Variants in FZR1 observed in about 807,000 individuals in gnomAD.
FZR1 encodes fizzy-related protein homolog.
In FZR1, 11 loss-of-function variants were observed where a neutral mutation model predicts 63.6. The observed-to-expected ratio is 0.17, with a 90% CI of 0.11 to 0.29. FZR1 has a LOEUF of 0.29. Ranked by LOEUF, FZR1 falls within the 10% of genes least tolerant of loss-of-function variation. The probability of loss-of-function intolerance (pLI) is 1.00; values close to 1 mark genes in which losing one functional copy is unlikely to be tolerated. For synonymous variants in FZR1, 328 were observed against 297.9 expected (o/e 1.10, Z -1.04); for missense variants, 440 against 687.5 (o/e 0.64, Z 4.03).
chr19:3,512,332 C>T lies in FZR1; in HGVS notation c.-35+5858C>T, dbSNP rs993333960. 5.9e-5 allele frequency among the ~76,000 whole-genome samples: 9 copies of T among 152,168 alleles called. No individual in the cohort carries two copies. The South Asian group carries it at 8.3e-4, about 14-fold the overall frequency. On this transcript the variant is annotated intron_variant, in intron 1 of 13. Coordinates refer to ENST00000441788, the MANE Select transcript of FZR1 (RefSeq NM_016263.4). ...ACCAAGCATCTTCTCTGGGTCATGC[C>T]GGGTGCCTGCTGCCTCGTAGACCTC...
At chr19:3,524,364 T>C (rs920481964) in intron 2 of FZR1, among the ~76,000 whole-genome samples, 2 of 152,122 alleles carry the variant, frequency 1.3e-5, no homozygotes, top group Non-Finnish European at 2.9e-5. Context: ...GGAGCGGGCA[T>C]TGGCAGTTTT....
chr19:3,510,767 C>T (rs914242145), intron 1 of FZR1, among the ~76,000 whole-genome samples: 2 of 152,216 alleles, frequency 1.3e-5, no homozygotes, highest in Non-Finnish European at 2.9e-5. Flanking sequence ...TGGGTGACTC[C>T]GCCCCCACAG....
At chr19:3,522,142 C>G (rs1373955446) in intron 1 of FZR1, among the ~76,000 whole-genome samples, 1 of 152,218 alleles carries the variant, frequency 6.6e-6, no homozygotes, top group Non-Finnish European at 1.5e-5. Context: ...TGTACATGGC[C>G]TTGGGCTGTG....
At chr19:3,522,860 C>T (rs1023965936) in intron 1 of FZR1, 96 bp from the exon 2 acceptor site, 8 of 716,790 alleles carry the variant, frequency 1.1e-5, no homozygotes, top group Non-Finnish European at 2.1e-5. Flanking sequence ...ACCCCACAGT[C>T]ACTCTAGCTC....
chr19:3,528,466 A>G (rs1244402394), intron 7 of FZR1, among the ~76,000 whole-genome samples: 3 of 152,112 alleles, frequency 2.0e-5, no homozygotes, highest in African/African-American at 7.2e-5. Context: ...GGAGCCGTGT[A>G]GCTCTGGGCA....
intron 7 of FZR1, among the ~76,000 whole-genome samples, chr19:3,530,033 G>A (rs2083223737): frequency 7.6e-6 from 1 of 131,460 alleles, no homozygotes; most frequent in African/African-American, 3.0e-5. Flanking sequence ...TGGGAGAGTG[G>A]ATGGGTGAGC....
At chr19:3,527,929 C>T in intron 7 of FZR1, 115 bp downstream of exon 7, 1 of 747,274 alleles carries the variant, frequency 1.3e-6, no homozygotes, top group Non-Finnish European at 2.0e-6. Flanking sequence ...CTGCCATGGC[C>T]CTCCTAGCTG....
intron 1 of FZR1, among the ~76,000 whole-genome samples, chr19:3,519,231 A>C (rs902612799): frequency 6.6e-6 from 1 of 152,242 alleles, no homozygotes; most frequent in African/African-American, 2.4e-5. Flanking sequence ...TCACACCTGC[A>C]GAGTCCCTGC....
chr19:3,510,961 G>T (rs960153913), intron 1 of FZR1, among the ~76,000 whole-genome samples: 1 of 152,230 alleles, frequency 6.6e-6, no homozygotes, highest in African/African-American at 2.4e-5. Context: ...TGAACTCCCC[G>T]GACTGGGTTT....
At position 3,537,472 on chromosome 19, in the gene FZR1, G is replaced by T. The variant is rs1012650587; in HGVS notation, c.*2636G>T. 3.3e-5 allele frequency: 5 copies of T among 152,374 alleles called. No homozygotes were observed. Among genetic ancestry groups the T allele is most frequent in the Admixed American group, 2.6e-4 (4 of 15,288 alleles). 9.4% of individuals were successfully genotyped at this position (152,374 alleles called of 1,614,324 possible). On this transcript the variant is annotated 3_prime_UTR_variant, in exon 14 of 14. Transcript: ENST00000441788. ...GGAATGTAGCTGGTGCAGTGAGAGG[G>T]AAAGAGAATTGAAAAACTCAGGCTG... is the stretch of plus-strand genomic sequence containing the variant.
In FZR1 at chr19:3,535,348, G is replaced by A. The variant is rs1030796595; in HGVS notation, c.*512G>A. On this transcript the variant is annotated 3_prime_UTR_variant, in exon 14 of 14. Transcript: ENST00000441788. ...CCCAAGGCCAGACCAAGGCATGTAGGCCTGGGCAGGTGGCTCGGGGCCACT... is the reference window on the plus strand; with the variant it reads ...CCCAAGGCCAGACCAAGGCATGTAGACCTGGGCAGGTGGCTCGGGGCCACT... 3 of 156,338 alleles carry A rather than the reference G, an allele frequency of 1.9e-5. No homozygotes were observed. The highest frequency in any genetic ancestry group is 4.2e-5 in the Non-Finnish European group (3 of 70,766). 9.7% of individuals were successfully genotyped at this position (156,338 alleles called of 1,614,324 possible).
In FZR1 at chr19:3,515,115, G is replaced by GC. The variant is rs1253317488; in HGVS notation, c.-34-7840dup. Among the ~76,000 whole-genome samples the GC allele has an allele frequency of 6.6e-6, 1 of 152,184 alleles. No homozygotes were observed. Among genetic ancestry groups the GC allele is most frequent in the African/African-American group, 2.4e-5 (1 of 41,438 alleles). On this transcript the variant is annotated intron_variant, in intron 1 of 13. Transcript: ENST00000441788. This position sits in a 1 kb window ranked among gnomAD's most constrained non-coding sequence, Gnocchi z 4.6. Reference sequence around the variant, plus strand: ...TGTCGGCCACACAGGCAGAGCCACAGCAGCATCCCCACTAGGCACCCCCGG... The same window carrying GC: ...TGTCGGCCACACAGGCAGAGCCACAGCCAGCATCCCCACTAGGCACCCCCGG...
intron 13 of FZR1, 26 bp from the exon 14 acceptor site, chr19:3,534,769 C>G: frequency 6.2e-7 from 1 of 1,608,798 alleles, no homozygotes. Context: ...CGGCTCAGCG[C>G]ATCTGCCATC....
Position 3,525,786 on chromosome 19 carries a change from C to T in FZR1, c.70-82C>T. On this transcript the variant is annotated intron_variant, in intron 2 of 13. Coordinates refer to ENST00000441788, the MANE Select transcript of FZR1 (RefSeq NM_016263.4). The surrounding 1 kb of genome is among the most constrained non-coding windows in gnomAD (Gnocchi z 4.2). ...ATCAAAGCCCCCTTTGCTCAGTGGC[C>T]AGAGGCTGAGAGAGGCTGGCCTGGG... 1 of 1,525,330 alleles carries T rather than the reference C, an allele frequency of 6.6e-7. No homozygotes were observed. Among genetic ancestry groups the T allele is most frequent in the Admixed American group, 1.8e-5 (1 of 54,856 alleles). The allele number at this position is 1,525,330 out of a possible 1,614,324, so 94.5% of individuals were successfully genotyped here. A position where few individuals can be genotyped will look rare whatever the true frequency, so the allele number is the denominator to read the frequency against.
rs2029946514 is a variant in FZR1 at position 3,536,004 on chromosome 19, CA to C, written c.*1169del. The C allele has an allele frequency of 1.3e-5, 2 of 152,378 alleles. No individual in the cohort carries two copies. Among genetic ancestry groups the C allele is most frequent in the Non-Finnish European group, 2.9e-5 (2 of 68,240 alleles). The allele number at this position is 152,378 out of a possible 1,614,324, so 9.4% of individuals were successfully genotyped here. A position where few individuals can be genotyped will look rare whatever the true frequency, so the allele number is the denominator to read the frequency against. The stretch of plus-strand genomic sequence containing the variant: ...GCTGAGCACTGCCCCCTCACCCCCC[CA>C]CCACCCCTTCCCATTTCATCGGTGG... On this transcript the variant is annotated 3_prime_UTR_variant, in exon 14 of 14. Transcript: ENST00000441788.
chr19:3,534,227 TAAAA>T (rs3040391), intron 12 of FZR1, 190 bp from the exon 13 acceptor site: 1,294 of 281,722 alleles, frequency 4.6e-3, no homozygotes, highest in East Asian at 0.012. Context: ...GTCTTAAAAT[TAAAA>T]AAAAAAAAAA....
chr19:3,521,984 G>A (rs1190343354), intron 1 of FZR1, among the ~76,000 whole-genome samples: 2 of 151,828 alleles, frequency 1.3e-5, no homozygotes, highest in Non-Finnish European at 2.9e-5. Flanking sequence ...AGCCTCCCAA[G>A]TAGCTGGGAC....
At chr19:3,520,064 T>C (rs2083087992) in intron 1 of FZR1, among the ~76,000 whole-genome samples, 1 of 152,212 alleles carries the variant, frequency 6.6e-6, no homozygotes, top group Admixed American at 6.5e-5. Context: ...CTCAGGTCTC[T>C]ATAGACCCTC....
At position 3,526,951 on chromosome 19, in the gene FZR1, G is replaced by C. The variant is rs373925960; in HGVS notation, c.388-29G>C. On this transcript the variant is annotated intron_variant, in intron 5 of 13. Coordinates refer to ENST00000441788, the MANE Select transcript of FZR1 (RefSeq NM_016263.4). This position sits in a 1 kb window ranked among gnomAD's most constrained non-coding sequence, Gnocchi z 5.4. ...TGAGGGTCCTGCGGCCTGGGCGTGC[G>C]CTCAGCTGGCATGTCCCCCGCTCCA... 6.4e-7 allele frequency: 1 copy of C among 1,555,306 alleles called. No individual in the cohort carries two copies. Among genetic ancestry groups the C allele is most frequent in the Non-Finnish European group, 8.8e-7 (1 of 1,130,816 alleles).
Sources: gnomAD v4.1 joint callset for allele counts (sites outside exome capture counted in the v4.1 genomes callset) on GRCh38, gnomAD v4.1.1 for gene constraint, Gnocchi (gnomAD v3.1) non-coding constraint, MANE v1.5 for transcripts, NCBI Gene and HGNC (gene_info 2026-07-23, HGNC 2026-07-21) for gene names.